Variants in OR2L13 observed in about 807,000 individuals in gnomAD.
OR2L13 encodes the protein olfactory receptor family 2 subfamily L member 13, also known as olfactory receptor 2L13.
In OR2L13, 14 loss-of-function variants were observed where a neutral mutation model predicts 15.3. That is an observed-to-expected ratio of 0.91 (90% confidence interval 0.60 to 1.43). The LOEUF (loss-of-function observed/expected upper bound fraction) is 1.43, where lower values mean the gene tolerates loss of function less well. Ranked by LOEUF, OR2L13 falls within the 40% of genes most tolerant of loss-of-function variation. The probability of loss-of-function intolerance (pLI) is 0.00; values close to 1 mark genes in which losing one functional copy is unlikely to be tolerated. For missense variants in OR2L13, 367 were observed against 387.9 expected (o/e 0.95, Z 0.45); for synonymous variants, 152 against 142.9 (o/e 1.06, Z -0.45).
chr1:247,943,388 ATG>A, the OR2L13 span, among the ~76,000 whole-genome samples: 1 of 152,118 alleles, frequency 6.6e-6, no homozygotes, highest in Non-Finnish European at 1.5e-5. Flanking sequence ...CAATATAACC[ATG>A]TAACAAACCA....
chr1:248,077,086 T>A, the OR2L13 span, among the ~76,000 whole-genome samples: 1 of 152,148 alleles, frequency 6.6e-6, no homozygotes, highest in Non-Finnish European at 1.5e-5. Flanking sequence ...CTTTTCTGCA[T>A]CTATTGAGAT....
the OR2L13 span, chr1:248,038,258 G>A: frequency 6.3e-7 from 1 of 1,576,602 alleles, no homozygotes; most frequent in Non-Finnish European, 8.7e-7. Context: ...ATGGATTGTA[G>A]GAATTCCCCA....
chr1:248,010,414 G>A, the OR2L13 span, among the ~76,000 whole-genome samples: 6 of 152,132 alleles, frequency 3.9e-5, no homozygotes, highest in Non-Finnish European at 5.9e-5. Flanking sequence ...GATTTGGGGT[G>A]GAGAGTACTG....
At chr1:247,988,751 A>C in the OR2L13 span, among the ~76,000 whole-genome samples, 1 of 152,174 alleles carries the variant, frequency 6.6e-6, no homozygotes, top group South Asian at 2.1e-4. Flanking sequence ...TGCTCGAACC[A>C]CCTATACCCA....
At chr1:248,099,655 C>T (rs376791936) in exon 3 of OR2L13, 2 of 1,614,170 alleles carry the variant, frequency 1.2e-6, no homozygotes, top group South Asian at 2.2e-5. Flanking sequence ...CATCTCCTTC[C>T]TGGGATGTGG....
the OR2L13 span, chr1:248,047,026 G>A: frequency 2.0e-5 from 3 of 152,134 alleles, no homozygotes; most frequent in African/African-American, 7.2e-5. Flanking sequence ...CCATTCAGCA[G>A]GAATCTTGGA....
the OR2L13 span, among the ~76,000 whole-genome samples, chr1:247,986,687 A>G: frequency 6.6e-6 from 1 of 152,190 alleles, no homozygotes; most frequent in Admixed American, 6.5e-5. Flanking sequence ...CATTGGATCT[A>G]TAAATTACCT....
the OR2L13 span, among the ~76,000 whole-genome samples, chr1:248,052,435 C>G: frequency 6.6e-6 from 1 of 152,018 alleles, no homozygotes; most frequent in African/African-American, 2.4e-5. Flanking sequence ...GTTTTAAAAT[C>G]AGAAAGTATA....
At chr1:248,018,099 G>C in the OR2L13 span, among the ~76,000 whole-genome samples, 2 of 148,120 alleles carry the variant, frequency 1.4e-5, no homozygotes, top group South Asian at 4.3e-4. Context: ...AGCTTGCAGT[G>C]AGCCGAGATC....
the OR2L13 span, among the ~76,000 whole-genome samples, chr1:248,017,477 A>G: frequency 6.6e-6 from 1 of 152,180 alleles, no homozygotes; most frequent in Admixed American, 6.5e-5. Flanking sequence ...CCTGCCACTC[A>G]CCACTTGCAA....
the OR2L13 span, among the ~76,000 whole-genome samples, chr1:247,993,342 GT>G: frequency 9.8e-3 from 1,317 of 134,904 alleles, 21 homozygotes; most frequent in African/African-American, 0.028. Context: ...TTTCCTCGTT[GT>G]TTTTTTTTTT....
chr1:248,088,334 A>T, the OR2L13 span, among the ~76,000 whole-genome samples: 3 of 152,022 alleles, frequency 2.0e-5, no homozygotes, highest in African/African-American at 4.8e-5. Flanking sequence ...CTATAAACTA[A>T]TCAATTCCCA....
chr1:248,061,533 C>T, the OR2L13 span: 20 of 1,613,806 alleles, frequency 1.2e-5, no homozygotes, highest in Admixed American at 1.7e-5. Flanking sequence ...CTCCAATGCT[C>T]AACCCCATCA....
the OR2L13 span, chr1:248,084,743 A>G: frequency 2.4e-6 from 3 of 1,267,616 alleles, no homozygotes; most frequent in Non-Finnish European, 2.2e-6. Flanking sequence ...TCTCAGACAC[A>G]GATGGTCTCA....
the OR2L13 span, among the ~76,000 whole-genome samples, chr1:247,941,191 G>A: frequency 2.6e-5 from 4 of 152,090 alleles, no homozygotes; most frequent in Middle Eastern, 3.2e-3. Flanking sequence ...TTCCTATTCT[G>A]TAGGTTGGCT....
the OR2L13 span, among the ~76,000 whole-genome samples, chr1:248,043,165 C>T: frequency 1.7e-4 from 26 of 152,258 alleles, no homozygotes; most frequent in Admixed American, 7.8e-4. Flanking sequence ...CTTTGAGCTA[C>T]CCATTCCCAT....
the OR2L13 span, among the ~76,000 whole-genome samples, chr1:247,973,143 A>G: frequency 1.1e-4 from 16 of 152,318 alleles, no homozygotes; most frequent in Middle Eastern, 0.01. Flanking sequence ...AATAAAAGCT[A>G]TTTATGACAA....
At chr1:248,073,895 A>T in the OR2L13 span, among the ~76,000 whole-genome samples, 1 of 151,988 alleles carries the variant, frequency 6.6e-6, no homozygotes, top group African/African-American at 2.4e-5. Context: ...CTAAAAAAGT[A>T]AGATGGCATC....
the OR2L13 span, among the ~76,000 whole-genome samples, chr1:248,025,359 C>T: frequency 4.1e-5 from 6 of 148,106 alleles, no homozygotes; most frequent in Non-Finnish European, 7.4e-5. Context: ...TGCTCACCAT[C>T]ACTGGCCATC....
Sources: allele counts gnomAD v4.1 joint callset (sites outside exome capture counted in the v4.1 genomes callset), GRCh38; gene constraint gnomAD v4.1.1; transcripts MANE v1.5; gene names NCBI Gene and HGNC (gene_info 2026-07-23, HGNC 2026-07-21).